SLC35E3: variants seen among roughly 807,000 people sequenced by gnomAD.
The protein encoded by SLC35E3 is solute carrier family 35 member E3, also known as bladder cancer-overexpressed gene 1 protein.
SLC35E3 carries 28 observed loss-of-function variants against 30.8 expected under a neutral mutation model. That is an observed-to-expected ratio of 0.91 (90% confidence interval 0.67 to 1.25). The LOEUF (loss-of-function observed/expected upper bound fraction) is 1.25. Among genes scored for constraint, SLC35E3 ranks in the 50% most tolerant of loss-of-function variants. SLC35E3 has a pLI of 0.00. For missense variants in SLC35E3, 365 were observed against 375.4 expected (o/e 0.97, Z 0.23); for synonymous variants, 146 against 149.2 (o/e 0.98, Z 0.16).
chr12:68,756,301 T>TAAA (rs34141831), intron 3 of SLC35E3, among the ~76,000 whole-genome samples: 3,574 of 117,012 alleles, frequency 0.031, 188 homozygotes, highest in African/African-American at 0.11. Context: ...GAAAAGCCAT[T>TAAA]AAAAAAAAAA....
intron 4 of SLC35E3, among the ~76,000 whole-genome samples, chr12:68,761,076 A>T (rs906466723): frequency 1.3e-5 from 2 of 152,202 alleles, no homozygotes; most frequent in Non-Finnish European, 2.9e-5. Flanking sequence ...GCCGTAAAAA[A>T]ACCAAGGAAG....
At chr12:68,751,970 C>T in intron 2 of SLC35E3, 62 bp from the exon 3 acceptor site, 1 of 1,468,702 alleles carries the variant, frequency 6.8e-7, no homozygotes, top group Non-Finnish European at 9.2e-7. Flanking sequence ...CTAGTTGTCG[C>T]ATCTTTGATT....
In SLC35E3 at chr12:68,771,060, G is replaced by C. The variant is rs1307597679; in HGVS notation, c.*6170G>C. 6.6e-6 allele frequency: 1 copy of C among 152,384 alleles called. No individual in the cohort carries two copies. Among genetic ancestry groups the C allele is most frequent in the Non-Finnish European group, 1.5e-5 (1 of 68,210 alleles). 9.4% of individuals were successfully genotyped at this position (152,384 alleles called of 1,614,324 possible). On this transcript the variant is annotated 3_prime_UTR_variant, in exon 5 of 5. Coordinates refer to ENST00000398004, the MANE Select transcript of SLC35E3 (RefSeq NM_018656.5). ...AAGCTGAGGCAGTCAGATCACTTCA[G>C]ATCAGGAGTTTGAGACCAGCCTGAC...
chr12:68,776,405 C>T lies in SLC35E3; in HGVS notation c.*11515C>T, dbSNP rs1879747204. 6.6e-6 allele frequency: 1 copy of T among 151,264 alleles called. No individual in the cohort carries two copies. Among genetic ancestry groups the T allele is most frequent in the Admixed American group, 6.6e-5 (1 of 15,100 alleles). 9.4% of individuals were successfully genotyped at this position (151,264 alleles called of 1,614,324 possible). ...GCGCCTGTAATCCCAGCTACTCACT[C>T]AGGAGGCTGAGGCAGGAAACTCACA... is the stretch of plus-strand genomic sequence containing the variant. On this transcript the variant is annotated 3_prime_UTR_variant, in exon 5 of 5. Transcript: ENST00000398004.
In SLC35E3 at chr12:68,767,319, G is replaced by A. The variant is rs1449926336; in HGVS notation, c.*2429G>A. On this transcript the variant is annotated 3_prime_UTR_variant, in exon 5 of 5. Transcript: ENST00000398004. ...AGAAAACAACTCTTAGGAGAACAAA[G>A]ACCAGCCCGGGCAACATGGCAAAAC... 1 of 151,928 alleles carries A rather than the reference G, an allele frequency of 6.6e-6. No individual in the cohort carries two copies. Among genetic ancestry groups the A allele is most frequent in the Non-Finnish European group, 1.5e-5 (1 of 68,000 alleles). The allele number at this position is 151,928 out of a possible 1,614,324, so 9.4% of individuals were successfully genotyped here. A position where few individuals can be genotyped will look rare whatever the true frequency, so the allele number is the denominator to read the frequency against.
At position 68,746,972 on chromosome 12, in the gene SLC35E3, T is replaced by C. The variant is rs562561076; in HGVS notation, c.402+193T>C. ...TCTTGTCAGCCCAGAAGAGTGGGCATGTGTGAATTTTAGTAGCTGCCATTT... is the reference window on the plus strand; with the variant it reads ...TCTTGTCAGCCCAGAAGAGTGGGCACGTGTGAATTTTAGTAGCTGCCATTT... On this transcript the variant is annotated intron_variant, in intron 1 of 4. Coordinates refer to ENST00000398004, the MANE Select transcript of SLC35E3 (RefSeq NM_018656.5). Among the ~76,000 whole-genome samples the C allele has an allele frequency of 7.2e-5, 11 of 152,338 alleles. No individual in the cohort carries two copies. The East Asian group carries it at 2.1e-3, about 29-fold the overall frequency.
intron 2 of SLC35E3, among the ~76,000 whole-genome samples, chr12:68,748,527 ATAT>A (rs1406487645): frequency 6.6e-6 from 1 of 151,984 alleles, no homozygotes. Context: ...GATTATTACA[ATAT>A]TATACTCTAT....
chr12:68,747,525 C>CCTTT lies in SLC35E3; in HGVS notation c.403-404_403-403insTTTC, dbSNP rs555468750. Among the ~76,000 whole-genome samples the CCTTT allele has an allele frequency of 6.6e-5, 10 of 152,272 alleles. No homozygotes were observed. The East Asian group carries it at 1.9e-3, about 29-fold the overall frequency. ...TCAGGTGATCTGCCCGCCTTGGCCT[C>CCTTT]CGAAAGCGCTGGGGTTACAGTGGTG... On this transcript the variant is annotated intron_variant, in intron 1 of 4. Coordinates refer to ENST00000398004, the MANE Select transcript of SLC35E3 (RefSeq NM_018656.5).
At position 68,773,814 on chromosome 12, in the gene SLC35E3, C is replaced by T. The variant is rs1036630121; in HGVS notation, c.*8924C>T. ...TTATATGATTTAACACAAAATGTTACAGAAAAAAGTGCAAAAATGTTGTAA... is the reference window on the plus strand; with the variant it reads ...TTATATGATTTAACACAAAATGTTATAGAAAAAAGTGCAAAAATGTTGTAA... On this transcript the variant is annotated 3_prime_UTR_variant, in exon 5 of 5. Coordinates refer to ENST00000398004, the MANE Select transcript of SLC35E3 (RefSeq NM_018656.5). 1 of 152,100 alleles carries T rather than the reference C, an allele frequency of 6.6e-6. No homozygotes were observed. Among genetic ancestry groups the T allele is most frequent in the Non-Finnish European group, 1.5e-5 (1 of 68,026 alleles). 9.4% of individuals were successfully genotyped at this position (152,100 alleles called of 1,614,324 possible). A position where few individuals can be genotyped will look rare whatever the true frequency, so the allele number is the denominator to read the frequency against.
chr12:68,763,086 G>A (rs1592544421), intron 4 of SLC35E3, among the ~76,000 whole-genome samples: 1 of 152,320 alleles, frequency 6.6e-6, no homozygotes, highest in African/African-American at 2.4e-5. Context: ...GCACCAAGCA[G>A]GTGTTTATGA....
intron 2 of SLC35E3, among the ~76,000 whole-genome samples, chr12:68,749,881 A>C (rs1878728326): frequency 6.6e-6 from 1 of 152,172 alleles, no homozygotes; most frequent in Non-Finnish European, 1.5e-5. Flanking sequence ...ATGCTAAGGA[A>C]GTATATCTTT....
chr12:68,766,927 C>G lies in SLC35E3; in HGVS notation c.*2037C>G. ...ACCTCCCTGCTTCTATTGCCTAGCCCGTACATTTGAGGCTTCCATGGAGCT... is the reference window on the plus strand; with the variant it reads ...ACCTCCCTGCTTCTATTGCCTAGCCGGTACATTTGAGGCTTCCATGGAGCT... On this transcript the variant is annotated 3_prime_UTR_variant, in exon 5 of 5. Transcript: ENST00000398004. The G allele has an allele frequency of 7.0e-6, 2 of 283,908 alleles. No individual in the cohort carries two copies. Among genetic ancestry groups the G allele is most frequent in the South Asian group, 2.7e-5 (1 of 37,002 alleles). The allele number at this position is 283,908 out of a possible 1,614,324, so 17.6% of individuals were successfully genotyped here.
rs1879457918 is a variant in SLC35E3 at position 68,767,306 on chromosome 12, T to C, written c.*2416T>C. ...TCAACTTTCATGGAGAAAACAACTC[T>C]TAGGAGAACAAAGACCAGCCCGGGC... On this transcript the variant is annotated 3_prime_UTR_variant, in exon 5 of 5. Coordinates refer to ENST00000398004, the MANE Select transcript of SLC35E3 (RefSeq NM_018656.5). The C allele has an allele frequency of 6.6e-6, 1 of 152,106 alleles. No individual in the cohort carries two copies. The highest frequency in any genetic ancestry group is 6.6e-5 in the Admixed American group (1 of 15,246). The allele number at this position is 152,106 out of a possible 1,614,324, so 9.4% of individuals were successfully genotyped here.
chr12:68,778,555 C>T lies in SLC35E3; in HGVS notation c.*13665C>T, dbSNP rs982740085. The T allele has an allele frequency of 2.6e-5, 4 of 152,094 alleles. No individual in the cohort carries two copies. Among genetic ancestry groups the T allele is most frequent in the African/African-American group, 4.8e-5 (2 of 41,404 alleles). 9.4% of individuals were successfully genotyped at this position (152,094 alleles called of 1,614,324 possible). A position where few individuals can be genotyped will look rare whatever the true frequency, so the allele number is the denominator to read the frequency against. On this transcript the variant is annotated 3_prime_UTR_variant, in exon 5 of 5. Coordinates refer to ENST00000398004, the MANE Select transcript of SLC35E3 (RefSeq NM_018656.5). ...CTGTAATCTCAGCACTTTGCAAGGC[C>T]GAAGCGGGTGGATCACCTGAGGTCA...
chr12:68,747,021 A>T (rs780687022), intron 1 of SLC35E3, among the ~76,000 whole-genome samples: 1 of 152,254 alleles, frequency 6.6e-6, no homozygotes, highest in Non-Finnish European at 1.5e-5. Context: ...AAATGCTGTG[A>T]TCGATAAGAA....
At chr12:68,764,602 A>G in intron 4 of SLC35E3, 102 bp from the exon 5 acceptor site, 3 of 1,102,872 alleles carry the variant, frequency 2.7e-6, no homozygotes, top group Non-Finnish European at 3.9e-6. Flanking sequence ...TGTTCTTTAC[A>G]TCTGATGGGC....
Position 68,746,335 on chromosome 12 carries a change from G to A in SLC35E3, c.-43G>A, listed in dbSNP as rs1001789960. On this transcript the variant is annotated 5_prime_UTR_variant, in exon 1 of 5. Coordinates refer to ENST00000398004, the MANE Select transcript of SLC35E3 (RefSeq NM_018656.5). ...TAGAAGGGCAGCCGGAGACAGGCCC[G>A]GCGCCCCTTCCGAGGCTAGACGGCC... is the stretch of plus-strand genomic sequence containing the variant. The A allele has an allele frequency of 3.9e-6, 6 of 1,526,054 alleles. No individual in the cohort carries two copies. The highest frequency in any genetic ancestry group is 1.4e-5 in the African/African-American group (1 of 72,108). 94.5% of individuals were successfully genotyped at this position (1,526,054 alleles called of 1,614,324 possible). A position where few individuals can be genotyped will look rare whatever the true frequency, so the allele number is the denominator to read the frequency against.
In SLC35E3 at chr12:68,748,026, T is replaced by C; in HGVS notation, c.499T>C (p.Ser167Pro). 1 of 1,600,146 alleles carries C rather than the reference T, an allele frequency of 6.2e-7. No homozygotes were observed. Among genetic ancestry groups the C allele is most frequent in the Non-Finnish European group, 8.5e-7 (1 of 1,169,592 alleles). ...TGCTGCTCTTGGTGTTTTAGTTACA[T>C]CCCTTTATCAAGTGGTTGGTAATTT... ...VFAALGVLVT[S>P]LYQVWVGAKQ... The change falls in exon 2 of 5, where the codon TCC becomes CCC. Residue 167 changes from serine to proline, a missense_variant. By Grantham distance (74) the Ser-to-Pro change is moderately conservative (BLOSUM62 -1). Coordinates refer to ENST00000398004, the MANE Select transcript of SLC35E3 (RefSeq NM_018656.5).
rs1029301631 is a variant in SLC35E3, at chr12:68,770,512, T to C, written c.*5622T>C. On this transcript the variant is annotated 3_prime_UTR_variant, in exon 5 of 5. Coordinates refer to ENST00000398004, the MANE Select transcript of SLC35E3 (RefSeq NM_018656.5). ...AACTGGACTGGAGATGGATTGGAAA[T>C]GGAGGGCATGAGAAGGGGTGAAGTT... 3 of 152,318 alleles carry C rather than the reference T, an allele frequency of 2.0e-5. No individual in the cohort carries two copies. Among genetic ancestry groups the C allele is most frequent in the African/African-American group, 4.8e-5 (2 of 41,344 alleles). 9.4% of individuals were successfully genotyped at this position (152,318 alleles called of 1,614,324 possible).
Sources: allele counts gnomAD v4.1 joint callset (sites outside exome capture counted in the v4.1 genomes callset), GRCh38; gene constraint gnomAD v4.1.1; transcripts MANE v1.5; gene names NCBI Gene and HGNC (gene_info 2026-07-23, HGNC 2026-07-21).